The following GBF1 variants were observed in gnomAD, a reference collection of about 807,000 sequenced individuals.
The protein encoded by GBF1 is Golgi-specific brefeldin A-resistance guanine nucleotide exchange factor 1.
In GBF1, 114 loss-of-function variants were observed where a neutral mutation model predicts 210.5. The observed-to-expected ratio is 0.54, with a 90% CI of 0.47 to 0.63. GBF1 has a LOEUF of 0.63. GBF1 is among the 30% of genes least tolerant of loss of function. The pLI, the probability that GBF1 is intolerant of heterozygous loss-of-function variation, is 0.00. For missense variants in GBF1, 1,851 were observed against 2,357.7 expected (o/e 0.79, Z 4.45); for synonymous variants, 850 against 889.2 (o/e 0.96, Z 0.78).
At position 102,340,267 on chromosome 10, in the gene GBF1, C is replaced by T. The variant is rs542108981; in HGVS notation, c.164-3784C>T. Among the ~76,000 whole-genome samples, 753 of 83,630 alleles carry T rather than the reference C, an allele frequency of 9.0e-3. 3 individuals carry two copies. The highest frequency in any genetic ancestry group is 0.014 in the Non-Finnish European group (598 of 42,546). 54.9% of individuals were successfully genotyped at this position (83,630 alleles called of 152,430 possible). ...ATGAGCCACTGCTCCTGGTCCATGC[C>T]TTTTTTTTTTTTTTTTTTTTTTTGA... On this transcript the variant is annotated intron_variant, in intron 3 of 39. Transcript: ENST00000369983.
intron 3 of GBF1, among the ~76,000 whole-genome samples, chr10:102,263,494 A>G (rs1246553757): frequency 1.3e-5 from 2 of 152,082 alleles, no homozygotes; most frequent in Admixed American, 6.6e-5. Flanking sequence ...GATTGGTAAG[A>G]CTATCACTGT....
At chr10:102,241,707 C>T (rs997405487), upstream of GBF1, among the ~76,000 whole-genome samples, 1 of 152,240 alleles carries the variant, frequency 6.6e-6, no homozygotes, top group Non-Finnish European at 1.5e-5. The surrounding 1 kb of genome is among the most constrained non-coding windows in gnomAD (Gnocchi z 6.7). Context: ...GCCCTCTGGC[C>T]AATCAGAAGC....
At chr10:102,308,981 G>A (rs2078176500) in intron 3 of GBF1, among the ~76,000 whole-genome samples, 1 of 152,176 alleles carries the variant, frequency 6.6e-6, no homozygotes, top group Non-Finnish European at 1.5e-5. Flanking sequence ...TAAGAAGTTA[G>A]AATAATGATT....
chr10:102,377,510 T>G (rs1475356964), intron 33 of GBF1, among the ~76,000 whole-genome samples: 2 of 152,074 alleles, frequency 1.3e-5, no homozygotes, highest in African/African-American at 2.4e-5. Context: ...CGTGCCACCA[T>G]GCCTGGCTAA....
At position 102,377,176 on chromosome 10, in the gene GBF1, G is replaced by T. The variant is rs1197145093; in HGVS notation, c.4494+36G>T. 4 of 1,541,276 alleles carry T rather than the reference G, an allele frequency of 2.6e-6. No homozygotes were observed. The Admixed American group carries it at 6.7e-5, about 26-fold the overall frequency. On this transcript the variant is annotated intron_variant, in intron 33 of 39. Coordinates refer to ENST00000369983, the MANE Select transcript of GBF1 (RefSeq NM_001377137.1). ...CACCCTTTACTTCCTCTCCTCCCCT[G>T]CACCTGATACTGGGAGCCTGGGGCG...
At chr10:102,333,882 A>G (rs1297945661) in intron 3 of GBF1, among the ~76,000 whole-genome samples, 1 of 152,254 alleles carries the variant, frequency 6.6e-6, no homozygotes, top group Non-Finnish European at 1.5e-5. Flanking sequence ...GAAAAGTAGC[A>G]TATGAGACCT....
intron 3 of GBF1, among the ~76,000 whole-genome samples, chr10:102,280,130 AAGAGAGAGAG>A (rs57985048): frequency 6.7e-6 from 1 of 150,018 alleles, no homozygotes; most frequent in African/African-American, 2.4e-5. Flanking sequence ...CTTAAAAAAA[AAGAGAGAGAG>A]AGAGAGAGAG....
intron 3 of GBF1, among the ~76,000 whole-genome samples, chr10:102,308,201 T>TAA (rs11440668): frequency 0.14 from 16,756 of 123,310 alleles, 1,564 homozygotes; most frequent in East Asian, 0.25. Context: ...TCACAGAAGC[T>TAA]AAAAAAAAAA....
rs534978794 is a variant in GBF1, at chr10:102,376,507, A to G, written c.4048-53A>G. 31 of 1,611,904 alleles carry G rather than the reference A, an allele frequency of 1.9e-5. No homozygotes were observed. The East Asian group carries it at 6.2e-4, about 32-fold the overall frequency. On this transcript the variant is annotated intron_variant, in intron 31 of 39. Coordinates refer to ENST00000369983, the MANE Select transcript of GBF1 (RefSeq NM_001377137.1). ...GAAGAATTCCTGGTCCTCTGCAAGG[A>G]CATTCACACAGGGGCCAAGCCTGTG...
chr10:102,380,281 A>C lies in GBF1; in HGVS notation c.4911A>C (p.Ser1637=). Residue 1637 remains serine, a synonymous_variant, in exon 37 of 40, where the codon TCA becomes TCC. Transcript: ENST00000369983. ...TGCAGCACCTGTCTCCACTGCTGTC[A>C]CTCTCTACCTTTGCGGCCCTCTGGC... ...VFLQHLSPLL[S]LSTFAALWLT... is the part of the protein sequence containing the mutation. 6.2e-7 allele frequency: 1 copy of C among 1,613,694 alleles called. No individual in the cohort carries two copies. Among genetic ancestry groups the C allele is most frequent in the Non-Finnish European group, 8.5e-7 (1 of 1,179,816 alleles).
chr10:102,233,296 T>C, the GBF1 span, among the ~76,000 whole-genome samples: 1 of 135,926 alleles, frequency 7.4e-6, no homozygotes, highest in African/African-American at 2.9e-5. Flanking sequence ...TCTTTTTTTT[T>C]TTTCCTTCTT....
chr10:102,315,962 T>G (rs2134061055), intron 3 of GBF1, among the ~76,000 whole-genome samples: 1 of 152,224 alleles, frequency 6.6e-6, no homozygotes, highest in African/African-American at 2.4e-5. Context: ...TAGCAGACTA[T>G]ATAATACTAA....
intron 29 of GBF1, among the ~76,000 whole-genome samples, chr10:102,372,133 C>CT (rs1334132865): frequency 6.6e-6 from 1 of 150,384 alleles, no homozygotes; most frequent in Admixed American, 6.6e-5. Context: ...ATCGCTTGAA[C>CT]CTGGGAGGCG....
At chr10:102,259,344 G>A (rs1046102174) in intron 2 of GBF1, among the ~76,000 whole-genome samples, 1 of 151,968 alleles carries the variant, frequency 6.6e-6, no homozygotes, top group South Asian at 2.1e-4. Flanking sequence ...TAATTCTTTA[G>A]GGCTATAATT....
intron 1 of GBF1, among the ~76,000 whole-genome samples, chr10:102,257,594 G>A (rs1334904828): frequency 4.0e-5 from 6 of 151,806 alleles, no homozygotes; most frequent in Admixed American, 1.3e-4. Context: ...GATTGCAGGT[G>A]TGAGCCACTT....
chr10:102,283,377 C>T (rs574691328), intron 3 of GBF1, among the ~76,000 whole-genome samples: 24 of 152,232 alleles, frequency 1.6e-4, no homozygotes, highest in Admixed American at 1.1e-3. Context: ...GCTTTATCTC[C>T]AAAAGGAAGC....
the GBF1 span, chr10:102,230,664 G>T: frequency 6.3e-7 from 1 of 1,595,012 alleles, no homozygotes. Context: ...GATAGACGTA[G>T]GGGGAAGAGG....
At chr10:102,295,423 A>G (rs2133744796) in intron 3 of GBF1, among the ~76,000 whole-genome samples, 1 of 152,378 alleles carries the variant, frequency 6.6e-6, no homozygotes, top group East Asian at 1.9e-4. Flanking sequence ...TTAAAAGTTT[A>G]TGGCAGTTAT....
At chr10:102,361,393 C>A (rs780770000) in intron 13 of GBF1, among the ~76,000 whole-genome samples, 5 of 152,180 alleles carry the variant, frequency 3.3e-5, no homozygotes, top group Non-Finnish European at 7.3e-5. Context: ...AGTTACTCTG[C>A]AACACAGGTA....
Sources: allele counts gnomAD v4.1 joint callset (sites outside exome capture counted in the v4.1 genomes callset), GRCh38; gene constraint gnomAD v4.1.1; non-coding constraint Gnocchi (gnomAD v3.1); transcripts MANE v1.5; gene names NCBI Gene and HGNC (gene_info 2026-07-23, HGNC 2026-07-21).